The following INSC variants were observed in gnomAD, a reference collection of about 807,000 sequenced individuals.
The protein encoded by INSC is INSC spindle orientation adaptor protein.
A neutral mutation model predicts 58.6 loss-of-function variants in INSC; 67 were observed. That is an observed-to-expected ratio of 1.14 (90% CI 0.94 to 1.40). The LOEUF is 1.40. INSC is among the 40% of genes most tolerant of loss of function. The pLI is 0.00. For synonymous variants in INSC, 262 were observed against 276.1 expected (o/e 0.95, Z 0.51); for missense variants, 714 against 692.0 (o/e 1.03, Z -0.36).
chr11:15,116,841 C>CTTTA (rs1491266877), intron 1 of INSC, among the ~76,000 whole-genome samples: 8 of 43,226 alleles, frequency 1.9e-4, no homozygotes, highest in Non-Finnish European at 2.5e-4. Context: ...TTCTTTCTTT[C>CTTTA]TTTCTTTCTC....
chr11:15,153,251 C>T (rs574674663), intron 2 of INSC, among the ~76,000 whole-genome samples: 10 of 152,156 alleles, frequency 6.6e-5, no homozygotes, highest in Non-Finnish European at 1.0e-4. Flanking sequence ...TGTGACTTCT[C>T]CCTGTGAGTG....
chr11:15,225,346 G>C (rs763659108), intron 8 of INSC, among the ~76,000 whole-genome samples: 2 of 152,170 alleles, frequency 1.3e-5, no homozygotes, highest in East Asian at 3.8e-4. Flanking sequence ...ACAAAGGCAA[G>C]GACCTGACCT....
At chr11:15,215,107 C>T (rs1464082678) in intron 7 of INSC, among the ~76,000 whole-genome samples, 4 of 152,234 alleles carry the variant, frequency 2.6e-5, no homozygotes, top group Non-Finnish European at 1.5e-5. Flanking sequence ...ATCCAGACTC[C>T]AGGTGCATCA....
intron 2 of INSC, among the ~76,000 whole-genome samples, chr11:15,175,303 C>T (rs574801844): frequency 1.3e-3 from 203 of 152,300 alleles, no homozygotes; most frequent in Middle Eastern, 6.8e-3. Context: ...TAAATAATTG[C>T]GTACTACATA....
intron 1 of INSC, among the ~76,000 whole-genome samples, chr11:15,146,492 A>G (rs1209558240): frequency 6.6e-6 from 1 of 152,218 alleles, no homozygotes; most frequent in Admixed American, 6.5e-5. Context: ...GATCACATGA[A>G]GCAAGGTTTT....
intron 6 of INSC, among the ~76,000 whole-genome samples, chr11:15,195,759 C>G (rs1284713355): frequency 6.6e-6 from 1 of 152,196 alleles, no homozygotes; most frequent in Non-Finnish European, 1.5e-5. Flanking sequence ...AAGAGGGCAG[C>G]TCTCATCCCA....
chr11:15,133,262 C>T (rs546423801), intron 1 of INSC, among the ~76,000 whole-genome samples: 6 of 152,248 alleles, frequency 3.9e-5, no homozygotes, highest in Admixed American at 2.0e-4. Flanking sequence ...TATACCCATC[C>T]ATTTTTTAGC....
chr11:15,252,559 GTCCTCTTGATATGGCTTTTAGCT>G, the INSC span, among the ~76,000 whole-genome samples: 7 of 152,212 alleles, frequency 4.6e-5, no homozygotes, highest in East Asian at 1.4e-3. Flanking sequence ...CTGCTTCAGC[GTCCTCTTGATATGGCTTTTAGCT>G]TCCTCTAGAG....
intron 7 of INSC, among the ~76,000 whole-genome samples, chr11:15,218,519 G>A (rs1250233626): frequency 6.6e-6 from 1 of 151,916 alleles, no homozygotes; most frequent in Non-Finnish European, 1.5e-5. Flanking sequence ...AAACATACAG[G>A]TGTTCATTTT....
intron 5 of INSC, among the ~76,000 whole-genome samples, chr11:15,188,874 A>G (rs1850066568): frequency 6.6e-6 from 1 of 152,212 alleles, no homozygotes; most frequent in Non-Finnish European, 1.5e-5. Context: ...GAGCATTAGT[A>G]TCACATGTGT....
intron 2 of INSC, among the ~76,000 whole-genome samples, chr11:15,170,101 A>G (rs545212760): frequency 6.6e-6 from 1 of 152,188 alleles, no homozygotes; most frequent in Non-Finnish European, 1.5e-5. Flanking sequence ...TACCTAATAC[A>G]ATGTAAATAC....
rs56777552 is a variant in INSC at position 15,229,985 on chromosome 11, AT to A, written c.1170+4158del. On this transcript the variant is annotated intron_variant, in intron 9 of 12. Coordinates refer to ENST00000379556, the MANE Select transcript of INSC (RefSeq NM_001042536.3). ...TTATATATATATATATATATTATATATATATATATATATATATATATATATA... is the reference window on the plus strand; with the variant it reads ...TTATATATATATATATATATTATATAATATATATATATATATATATATATA... Among the ~76,000 whole-genome samples, 32 of 24,816 alleles carry A rather than the reference AT, an allele frequency of 1.3e-3. 1 individual carries two copies. Among genetic ancestry groups the A allele is most frequent in the African/African-American group, 5.4e-3 (31 of 5,698 alleles). The allele number at this position is 24,816 out of a possible 152,430, so 16.3% of individuals were successfully genotyped here.
chr11:15,226,187 C>T lies in INSC; in HGVS notation c.1170+359C>T, dbSNP rs554078508. On this transcript the variant is annotated intron_variant, in intron 9 of 12. Coordinates refer to ENST00000379556, the MANE Select transcript of INSC (RefSeq NM_001042536.3). ...TGTTCAGATTGCCTATTCTGGGAGGCGGAAAGACCCATGGAAGGTGCCTAG... is the reference window on the plus strand; with the variant it reads ...TGTTCAGATTGCCTATTCTGGGAGGTGGAAAGACCCATGGAAGGTGCCTAG... 7.7e-4 allele frequency among the ~76,000 whole-genome samples: 117 copies of T among 152,162 alleles called. No homozygotes were observed. In the South Asian group the frequency reaches 7.9e-3, roughly 10 times the overall value.
At chr11:15,164,291 G>C (rs1055865536) in intron 2 of INSC, among the ~76,000 whole-genome samples, 12 of 152,134 alleles carry the variant, frequency 7.9e-5, no homozygotes, top group Non-Finnish European at 1.5e-4. Context: ...AAGAAGGCAG[G>C]GTTCAGGAAA....
At position 15,221,742 on chromosome 11, in the gene INSC, AT is replaced by A. The variant is rs1193750401; in HGVS notation, c.991+96del. ...AGGAAGGCCTTCCCATCTGCCACTC[AT>A]TGCACCCCAAATATCTCCTGCATAG... is the stretch of plus-strand genomic sequence containing the variant. On this transcript the variant is annotated intron_variant, in intron 8 of 12. Coordinates refer to ENST00000379556, the MANE Select transcript of INSC (RefSeq NM_001042536.3). 11 of 1,120,052 alleles carry A rather than the reference AT, an allele frequency of 9.8e-6. No homozygotes were observed. In the East Asian group the frequency reaches 2.8e-4, roughly 29 times the overall value. 69.4% of individuals were successfully genotyped at this position (1,120,052 alleles called of 1,614,324 possible). A position where few individuals can be genotyped will look rare whatever the true frequency, so the allele number is the denominator to read the frequency against.
intron 1 of INSC, 69 bp from the exon 2 acceptor site, chr11:15,149,061 A>G: frequency 6.8e-7 from 1 of 1,472,478 alleles, no homozygotes; most frequent in Non-Finnish European, 9.0e-7. Context: ...GTGGCCTGGG[A>G]CTGGGAGAGA....
intron 2 of INSC, among the ~76,000 whole-genome samples, chr11:15,163,406 T>G (rs1302005906): frequency 2.0e-5 from 3 of 152,184 alleles, no homozygotes; most frequent in Admixed American, 2.0e-4. Flanking sequence ...GTATGTAGTA[T>G]ATTCTTTCAA....
intron 9 of INSC, among the ~76,000 whole-genome samples, chr11:15,233,127 C>G (rs772858987): frequency 1.3e-5 from 2 of 152,190 alleles, no homozygotes; most frequent in African/African-American, 4.8e-5. Context: ...TTGAGCTACA[C>G]GCTTAGCTAT....
At chr11:15,148,530 T>C (rs760276784) in intron 1 of INSC, among the ~76,000 whole-genome samples, 7 of 152,240 alleles carry the variant, frequency 4.6e-5, no homozygotes, top group Non-Finnish European at 8.8e-5. Context: ...CATGGCTCAT[T>C]GGCCTAAATT....
Sources: gnomAD v4.1 joint callset for allele counts (sites outside exome capture counted in the v4.1 genomes callset) on GRCh38, gnomAD v4.1.1 for gene constraint, MANE v1.5 for transcripts, NCBI Gene and HGNC (gene_info 2026-07-23, HGNC 2026-07-21) for gene names.